SERPINB7: variants seen among roughly 807,000 people sequenced by gnomAD.
SERPINB7 encodes the protein serpin family B member 7.
SERPINB7 carries 31 observed loss-of-function variants against 37.4 expected under a neutral mutation model. That is an observed-to-expected ratio of 0.83 (90% confidence interval 0.62 to 1.12). SERPINB7 has a LOEUF of 1.12. Ranked by LOEUF, SERPINB7 falls within the 50% of genes most tolerant of loss-of-function variation. The pLI is 0.00. For synonymous variants in SERPINB7, 163 were observed against 166.1 expected, an observed-to-expected ratio of 0.98 and a Z score of 0.14; for missense variants, 521 against 455.3, an observed-to-expected ratio of 1.14 and a Z score of -1.31.
At chr18:63,768,187 T>C (rs1458308351) in intron 1 of SERPINB7, among the ~76,000 whole-genome samples, 2 of 152,112 alleles carry the variant, frequency 1.3e-5, no homozygotes, top group East Asian at 1.9e-4. Flanking sequence ...TTCTTGTTTC[T>C]GTTTGTTTTT....
chr18:63,803,835 A>G (rs1205400801), intron 7 of SERPINB7, among the ~76,000 whole-genome samples: 2 of 152,114 alleles, frequency 1.3e-5, no homozygotes, highest in Admixed American at 1.3e-4. Flanking sequence ...ACATTATTTT[A>G]TCTGTCTTTC....
chr18:63,777,214 T>G (rs62098575), intron 1 of SERPINB7, among the ~76,000 whole-genome samples: 3,302 of 152,088 alleles, frequency 0.022, 88 homozygotes, highest in East Asian at 0.058. Flanking sequence ...TATATATATG[T>G]GTGTGTGTAC....
intron 1 of SERPINB7, among the ~76,000 whole-genome samples, chr18:63,758,944 G>A (rs12970355): frequency 1.3e-5 from 2 of 152,208 alleles, no homozygotes; most frequent in East Asian, 3.8e-4. Context: ...GAAATTTAAA[G>A]GGATGTCAAG....
At chr18:63,755,633 C>T (rs1340686143) in intron 1 of SERPINB7, among the ~76,000 whole-genome samples, 6 of 152,074 alleles carry the variant, frequency 3.9e-5, no homozygotes, top group African/African-American at 1.4e-4. Context: ...TGACTCAGTC[C>T]TGTAACCACA....
At chr18:63,794,984 T>C (rs1432313761) in intron 4 of SERPINB7, among the ~76,000 whole-genome samples, 1 of 152,230 alleles carries the variant, frequency 6.6e-6, no homozygotes, top group Non-Finnish European at 1.5e-5. Flanking sequence ...TGAACATCTT[T>C]CCACAAAAAT....
At chr18:63,753,475 T>C (rs139100641) in intron 1 of SERPINB7, among the ~76,000 whole-genome samples, 1 of 152,334 alleles carries the variant, frequency 6.6e-6, no homozygotes, top group East Asian at 1.9e-4. Context: ...CCTAAGCTTA[T>C]ACAAGATAGC....
At chr18:63,784,373 C>G (rs1335153692) in intron 2 of SERPINB7, among the ~76,000 whole-genome samples, 1 of 152,126 alleles carries the variant, frequency 6.6e-6, no homozygotes, top group Non-Finnish European at 1.5e-5. Flanking sequence ...TCATGACAAC[C>G]AAAAACATTT....
At chr18:63,764,433 C>G (rs927730308) in intron 1 of SERPINB7, among the ~76,000 whole-genome samples, 1 of 152,240 alleles carries the variant, frequency 6.6e-6, no homozygotes, top group Admixed American at 6.5e-5. Context: ...CTCTGACTGT[C>G]CCTATCCATG....
At chr18:63,772,956 G>A (rs987790995), upstream of SERPINB7, among the ~76,000 whole-genome samples, 2 of 152,068 alleles carry the variant, frequency 1.3e-5, no homozygotes, top group African/African-American at 4.8e-5. Flanking sequence ...TGAAAGCTGC[G>A]ATTATTCATG....
At chr18:63,755,992 A>C (rs1390046331) in intron 1 of SERPINB7, among the ~76,000 whole-genome samples, 1 of 152,140 alleles carries the variant, frequency 6.6e-6, no homozygotes, top group Non-Finnish European at 1.5e-5. Context: ...TGAGTCAAGA[A>C]CGGTGGAAAC....
chr18:63,785,145 A>G (rs1568208839), intron 2 of SERPINB7, among the ~76,000 whole-genome samples: 1 of 152,206 alleles, frequency 6.6e-6, no homozygotes, highest in Non-Finnish European at 1.5e-5. Context: ...CATTCATCTA[A>G]TTTATCTGCA....
upstream of SERPINB7, among the ~76,000 whole-genome samples, chr18:63,771,109 A>C (rs2049208651): frequency 6.6e-6 from 1 of 152,092 alleles, no homozygotes; most frequent in Non-Finnish European, 1.5e-5. Flanking sequence ...GAACATGTAC[A>C]AGAAAGTAAG....
intron 1 of SERPINB7, among the ~76,000 whole-genome samples, chr18:63,755,993 C>T (rs182751874): frequency 1.1e-3 from 164 of 151,728 alleles, no homozygotes; most frequent in African/African-American, 3.7e-3. Context: ...GAGTCAAGAA[C>T]GGTGGAAACA....
upstream of SERPINB7, among the ~76,000 whole-genome samples, chr18:63,773,581 T>C (rs2049224059): frequency 6.6e-6 from 1 of 152,090 alleles, no homozygotes; most frequent in Non-Finnish European, 1.5e-5. Flanking sequence ...TCCCTAGTAG[T>C]TTCCTTAAAT....
At chr18:63,793,598 G>C (rs1292050295) in intron 4 of SERPINB7, among the ~76,000 whole-genome samples, 1 of 152,114 alleles carries the variant, frequency 6.6e-6, no homozygotes, top group East Asian at 1.9e-4. Context: ...AACACATTCT[G>C]GGTTCAAGCA....
intron 1 of SERPINB7, among the ~76,000 whole-genome samples, chr18:63,764,582 C>T (rs1449707235): frequency 6.6e-6 from 1 of 152,118 alleles, no homozygotes; most frequent in Non-Finnish European, 1.5e-5. Flanking sequence ...TTCCACTATA[C>T]TCTCCAGTCA....
intron 1 of SERPINB7, among the ~76,000 whole-genome samples, chr18:63,755,802 G>A (rs1267119395): frequency 1.3e-5 from 2 of 152,122 alleles, no homozygotes; most frequent in Non-Finnish European, 2.9e-5. Context: ...GCTGAGGTGT[G>A]AGAATTGCTT....
chr18:63,783,287 A>G (rs867015095), intron 2 of SERPINB7, among the ~76,000 whole-genome samples: 5 of 149,320 alleles, frequency 3.3e-5, no homozygotes, highest in Middle Eastern at 7.1e-3. Flanking sequence ...AGAAAGAAAG[A>G]AAGAAAGAAA....
At chr18:63,765,080 T>A (rs1381839171) in intron 1 of SERPINB7, among the ~76,000 whole-genome samples, 1 of 152,138 alleles carries the variant, frequency 6.6e-6, no homozygotes, top group Non-Finnish European at 1.5e-5. Flanking sequence ...TCTCTGTGAT[T>A]CCTTTGTTTT....
Sources: allele counts gnomAD v4.1 joint callset (sites outside exome capture counted in the v4.1 genomes callset), GRCh38; gene constraint gnomAD v4.1.1; transcripts MANE v1.5; gene names NCBI Gene and HGNC (gene_info 2026-07-23, HGNC 2026-07-21).